RIPOR2: variants seen among roughly 807,000 people sequenced by gnomAD.
RIPOR2 encodes RHO family interacting cell polarization regulator 2.
In RIPOR2, 39 loss-of-function variants were observed where a neutral mutation model predicts 114.5. That is an observed-to-expected ratio of 0.34 (90% CI 0.26 to 0.44). RIPOR2 has a LOEUF of 0.44. RIPOR2 is among the 20% of genes least tolerant of loss of function. The pLI, the probability that RIPOR2 is intolerant of heterozygous loss-of-function variation, is 1.00. For missense variants in RIPOR2, 1,007 were observed against 1,255.1 expected (o/e 0.80, Z 2.99); for synonymous variants, 445 against 484.4 (o/e 0.92, Z 1.07).
chr6:24,839,598 T>C (rs1761441342), intron 13 of RIPOR2: 6 of 1,536,986 alleles, frequency 3.9e-6, no homozygotes, highest in Non-Finnish European at 4.4e-6. Context: ...TCTTCTCTAC[T>C]TCTGTTTGAA....
chr6:24,840,739 C>T, intron 13 of RIPOR2: 5 of 1,535,526 alleles, frequency 3.3e-6, no homozygotes, highest in South Asian at 1.2e-5. Context: ...CAAGAGGCAG[C>T]ACCATTTAGT....
At position 24,839,273 on chromosome 6, in the gene RIPOR2, C is replaced by T; in HGVS notation, c.1858-1G>A. On this transcript the variant is annotated splice_acceptor_variant, in intron 13 of 21. Coordinates refer to ENST00000643898, the MANE Select transcript of RIPOR2 (RefSeq NM_001286445.3). LOFTEE classifies it high-confidence loss of function. The stretch of plus-strand genomic sequence containing the variant: ...TGCTGCGGCTTACTGCTGGCTTGCA[C>T]TGTAAAGGCAGAAGGCACCAGGGAG... 6 of 1,551,226 alleles carry T rather than the reference C, an allele frequency of 3.9e-6. No individual in the cohort carries two copies. The highest frequency in any genetic ancestry group is 5.2e-6 in the Non-Finnish European group (6 of 1,146,588).
At chr6:24,824,224 G>A (rs751933730) in intron 19 of RIPOR2, among the ~76,000 whole-genome samples, 1 of 152,178 alleles carries the variant, frequency 6.6e-6, no homozygotes, top group Non-Finnish European at 1.5e-5. Flanking sequence ...TAGGAGGTGA[G>A]AGTGGTCAGC....
rs1766523036 is a variant in RIPOR2 at position 24,883,352 on chromosome 6, C to A, written c.62-7535G>T. The stretch of plus-strand genomic sequence containing the variant: ...CTCCATAAGCTAGACTGAGACCAAC[C>A]CCTCTGAGACAAGACAATTGACCCA... On this transcript the variant is annotated intron_variant, in intron 1 of 21. Coordinates refer to ENST00000643898, the MANE Select transcript of RIPOR2 (RefSeq NM_001286445.3). The surrounding 1 kb of genome is among the most constrained non-coding windows in gnomAD (Gnocchi z 4.1). Among the ~76,000 whole-genome samples, 1 of 152,130 alleles carries A rather than the reference C, an allele frequency of 6.6e-6. No individual in the cohort carries two copies. Among genetic ancestry groups the A allele is most frequent in the Non-Finnish European group, 1.5e-5 (1 of 68,024 alleles).
At chr6:24,881,592 A>C (rs1466027539) in intron 1 of RIPOR2, among the ~76,000 whole-genome samples, 12 of 152,248 alleles carry the variant, frequency 7.9e-5, no homozygotes. Flanking sequence ...CAGTTTCTTC[A>C]TACAATGAAA....
chr6:25,033,801 CTG>C (rs1210375823), intron 1 of RIPOR2, among the ~76,000 whole-genome samples: 1 of 152,154 alleles, frequency 6.6e-6, no homozygotes, highest in Non-Finnish European at 1.5e-5. Flanking sequence ...ATTGTTATAA[CTG>C]TGGTCTACAA....
chr6:24,821,424 T>C (rs1759692282), intron 19 of RIPOR2, among the ~76,000 whole-genome samples: 1 of 152,094 alleles, frequency 6.6e-6, no homozygotes, highest in African/African-American at 2.4e-5. Flanking sequence ...CCTCAGGTGA[T>C]GCGCCCGCCT....
intron 19 of RIPOR2, among the ~76,000 whole-genome samples, chr6:24,821,307 C>G (rs1056553471): frequency 8.6e-5 from 13 of 151,964 alleles, no homozygotes; most frequent in Non-Finnish European, 1.9e-4. Context: ...CTCAGCCTCC[C>G]AAGTAGCTGG....
chr6:24,863,730 A>T (rs1467770236), intron 7 of RIPOR2, among the ~76,000 whole-genome samples: 1 of 152,236 alleles, frequency 6.6e-6, no homozygotes, highest in African/African-American at 2.4e-5. Flanking sequence ...TGACTTTGAC[A>T]CTGATAGAAA....
rs1333273495 is a variant in RIPOR2 at position 24,897,835 on chromosome 6, C to T, written c.62-22018G>A. Among the ~76,000 whole-genome samples the T allele has an allele frequency of 2.6e-5, 4 of 151,968 alleles. No individual in the cohort carries two copies. In the South Asian group the frequency reaches 6.2e-4, roughly 24 times the overall value. On this transcript the variant is annotated intron_variant, in intron 1 of 21. Transcript: ENST00000643898. ...AGGCTGGAGTGCAGCAGCGGGATCT[C>T]GGCTCACTGCAACCTCCACCTCCAA...
At chr6:24,876,402 C>T (rs1226940423) in intron 1 of RIPOR2, among the ~76,000 whole-genome samples, 1 of 151,884 alleles carries the variant, frequency 6.6e-6, no homozygotes, top group Non-Finnish European at 1.5e-5. Flanking sequence ...TCAACCACAC[C>T]CTCAAAAACA....
intron 1 of RIPOR2, among the ~76,000 whole-genome samples, chr6:24,981,776 T>C (rs555482327): frequency 7.9e-5 from 12 of 152,342 alleles, no homozygotes; most frequent in African/African-American, 1.4e-4. Context: ...TTGTCATCTA[T>C]GAAATAAAGA....
chr6:24,994,160 T>C (rs1182628099), intron 1 of RIPOR2, among the ~76,000 whole-genome samples: 2 of 152,112 alleles, frequency 1.3e-5, no homozygotes, highest in Non-Finnish European at 2.9e-5. Context: ...AAGAGTAGGT[T>C]TTTTAAGGTG....
At chr6:24,884,310 G>A (rs2113940419) in intron 1 of RIPOR2, among the ~76,000 whole-genome samples, 1 of 152,308 alleles carries the variant, frequency 6.6e-6, no homozygotes, top group East Asian at 1.9e-4. Flanking sequence ...TCGGGAGGCT[G>A]AGGCAGGAGA....
chr6:24,905,653 A>T (rs569231831), intron 1 of RIPOR2, among the ~76,000 whole-genome samples: 1 of 152,246 alleles, frequency 6.6e-6, no homozygotes, highest in Non-Finnish European at 1.5e-5. Context: ...TGTAGCAAAA[A>T]GTAGATAAAT....
chr6:24,894,515 G>A (rs1045051220), intron 1 of RIPOR2, among the ~76,000 whole-genome samples: 10 of 152,072 alleles, frequency 6.6e-5, no homozygotes, highest in South Asian at 6.2e-4. Context: ...TTCCTTTTCC[G>A]TTTCTTAATT....
intron 9 of RIPOR2, among the ~76,000 whole-genome samples, chr6:24,851,178 A>G (rs1762863822): frequency 6.6e-6 from 1 of 152,154 alleles, no homozygotes; most frequent in Admixed American, 6.5e-5. Context: ...TACAGACATA[A>G]GCCACTGTGC....
At chr6:25,009,807 G>A (rs954474733) in intron 1 of RIPOR2, among the ~76,000 whole-genome samples, 2 of 152,138 alleles carry the variant, frequency 1.3e-5, no homozygotes, top group African/African-American at 2.4e-5. Flanking sequence ...AGGAAAGAAC[G>A]ATACTTCCTG....
chr6:24,913,777 C>T (rs1229673166), intron 1 of RIPOR2, among the ~76,000 whole-genome samples: 1 of 152,166 alleles, frequency 6.6e-6, no homozygotes, highest in Non-Finnish European at 1.5e-5. Flanking sequence ...TAGGTTCTTA[C>T]TATCCCTTAG....
Sources: allele counts gnomAD v4.1 joint callset (sites outside exome capture counted in the v4.1 genomes callset), GRCh38; gene constraint gnomAD v4.1.1; non-coding constraint Gnocchi (gnomAD v3.1); transcripts MANE v1.5; gene names NCBI Gene and HGNC (gene_info 2026-07-23, HGNC 2026-07-21).